Variants in RB1CC1 observed in about 807,000 individuals in gnomAD.
The protein encoded by RB1CC1 is RB1-inducible coiled-coil protein 1.
In RB1CC1, 46 loss-of-function variants were observed where a neutral mutation model predicts 177.5. The observed-to-expected ratio is 0.26, with a 90% confidence interval of 0.20 to 0.33. The LOEUF (loss-of-function observed/expected upper bound fraction) is 0.33, where lower values mean the gene tolerates loss of function less well. Ranked by LOEUF, RB1CC1 falls within the 10% of genes least tolerant of loss-of-function variation. The pLI, the probability that RB1CC1 is intolerant of heterozygous loss-of-function variation, is 1.00. For missense variants in RB1CC1, 1,703 were observed against 1,816.3 expected, an observed-to-expected ratio of 0.94 and a Z score of 1.13; for synonymous variants, 666 against 613.6, an observed-to-expected ratio of 1.09 and a Z score of -1.26.
At chr8:52,638,784 C>A (rs893498575) in intron 18 of RB1CC1, among the ~76,000 whole-genome samples, 1 of 152,000 alleles carries the variant, frequency 6.6e-6, no homozygotes, top group Non-Finnish European at 1.5e-5. Context: ...ATATGGCTCA[C>A]CTCTCACCAA....
Position 52,714,087 on chromosome 8 carries a change from C to T in RB1CC1, c.-179G>A, listed in dbSNP as rs973773256. On this transcript the variant is annotated 5_prime_UTR_variant, in exon 1 of 24. Coordinates refer to ENST00000025008, the MANE Select transcript of RB1CC1 (RefSeq NM_014781.5). ...CGGCGACACTTACCCGGCAACGCCT[C>T]CTCCTTCGCCGGCGGCAGCAGCAGA... 8 of 352,320 alleles carry T rather than the reference C, an allele frequency of 2.3e-5. No individual in the cohort carries two copies. The highest frequency in any genetic ancestry group is 1.8e-4 in the African/African-American group (8 of 44,666). 21.8% of individuals were successfully genotyped at this position (352,320 alleles called of 1,614,324 possible).
chr8:52,663,855 G>A (rs555066741), intron 8 of RB1CC1, among the ~76,000 whole-genome samples: 1 of 152,264 alleles, frequency 6.6e-6, no homozygotes, highest in African/African-American at 2.4e-5. Flanking sequence ...TATGTATCAG[G>A]AATGTGTGGT....
chr8:52,677,445 T>A (rs1853232882), intron 5 of RB1CC1, among the ~76,000 whole-genome samples: 1 of 152,016 alleles, frequency 6.6e-6, no homozygotes, highest in Non-Finnish European at 1.5e-5. Context: ...GGCCAGATGA[T>A]CAAAGACCCA....
chr8:52,712,064 T>C (rs1034464820), intron 1 of RB1CC1, among the ~76,000 whole-genome samples: 1 of 152,202 alleles, frequency 6.6e-6, no homozygotes, highest in African/African-American at 2.4e-5. Context: ...AACATTTTTA[T>C]GTTCCTCATG....
intron 18 of RB1CC1, among the ~76,000 whole-genome samples, chr8:52,639,124 T>C (rs1275138843): frequency 6.6e-6 from 1 of 152,130 alleles, no homozygotes; most frequent in African/African-American, 2.4e-5. Context: ...AGAATTTTAA[T>C]TGAGTAATAG....
intron 12 of RB1CC1, among the ~76,000 whole-genome samples, chr8:52,659,491 C>G (rs1467638896): frequency 1.3e-5 from 2 of 151,634 alleles, no homozygotes; most frequent in East Asian, 3.9e-4. Flanking sequence ...TAAATCCTAC[C>G]AATTCATTAT....
At chr8:52,691,856 C>T (rs561540689) in intron 1 of RB1CC1, among the ~76,000 whole-genome samples, 167 of 152,310 alleles carry the variant, frequency 1.1e-3, no homozygotes, top group African/African-American at 3.7e-3. Flanking sequence ...ATTGCTTTCA[C>T]GGCCACAAAT....
At chr8:52,701,549 T>C (rs527982652) in intron 1 of RB1CC1, among the ~76,000 whole-genome samples, 2 of 152,262 alleles carry the variant, frequency 1.3e-5, no homozygotes, top group East Asian at 3.9e-4. Context: ...GGATCATTAC[T>C]TCCTTTTCTT....
At chr8:52,653,431 T>G (rs1425427893) in intron 15 of RB1CC1, among the ~76,000 whole-genome samples, 1 of 152,156 alleles carries the variant, frequency 6.6e-6, no homozygotes, top group Non-Finnish European at 1.5e-5. Context: ...TGGTAGTGGT[T>G]GTCCGTAGGC....
At chr8:52,675,714 C>CAAAA (rs1306544323) in intron 6 of RB1CC1, among the ~76,000 whole-genome samples, 14 of 61,278 alleles carry the variant, frequency 2.3e-4, no homozygotes, top group South Asian at 7.1e-4. Flanking sequence ...ACTAAAAATC[C>CAAAA]AAAAAAAAAA....
Position 52,659,009 on chromosome 8 carries a change from T to TC in RB1CC1, c.1690-34_1690-33insG, listed in dbSNP as rs763602450. ...AAAAAAATTAATTACTTAAAAAATTTTTTTTCAACCAAAAACAGACAGCAA... is the reference window on the plus strand; with the variant it reads ...AAAAAAATTAATTACTTAAAAAATTTCTTTTTCAACCAAAAACAGACAGCAA... On this transcript the variant is annotated intron_variant, in intron 12 of 23. Coordinates refer to ENST00000025008, the MANE Select transcript of RB1CC1 (RefSeq NM_014781.5). The TC allele has an allele frequency of 3.1e-6, 4 of 1,310,006 alleles. No homozygotes were observed. The Admixed American group carries it at 1.1e-4, about 35-fold the overall frequency. 81.1% of individuals were successfully genotyped at this position (1,310,006 alleles called of 1,614,324 possible).
At chr8:52,635,067 T>C in intron 19 of RB1CC1, 99 bp from the exon 20 acceptor site, 2 of 1,112,594 alleles carry the variant, frequency 1.8e-6, no homozygotes, top group Non-Finnish European at 2.6e-6. Context: ...AAATGTTTGG[T>C]TCGGGTATGA....
chr8:52,681,757 C>G (rs1242328997), intron 5 of RB1CC1, among the ~76,000 whole-genome samples: 1 of 152,184 alleles, frequency 6.6e-6, no homozygotes, highest in Non-Finnish European at 1.5e-5. Context: ...GCAGTGAGAT[C>G]CTGTCTCTAT....
At chr8:52,714,022 C>A in intron 1 of RB1CC1, 53 bp downstream of exon 1, 1 of 330,308 alleles carries the variant, frequency 3.0e-6, no homozygotes, top group South Asian at 2.1e-5. Flanking sequence ...GGGCCCGCCG[C>A]GCGACCGCTG....
chr8:52,652,162 T>C (rs1850648297), intron 15 of RB1CC1, among the ~76,000 whole-genome samples: 1 of 152,106 alleles, frequency 6.6e-6, no homozygotes, highest in Admixed American at 6.5e-5. Flanking sequence ...TTTCAGAAAG[T>C]TTTTATTAAA....
intron 16 of RB1CC1, among the ~76,000 whole-genome samples, chr8:52,645,080 A>G (rs16918044): frequency 0.024 from 3,604 of 152,248 alleles, 163 homozygotes; most frequent in African/African-American, 0.082. Flanking sequence ...AAGCTCTCTA[A>G]CAAGGCATCT....
Position 52,622,922 on chromosome 8 carries a change from A to G in RB1CC1, c.*860T>C, listed in dbSNP as rs1158543901. ...CAAATCTTTATTGTTTTAAAATTGTACAGTTCTTTTACAATACAATATTTT... is the reference window on the plus strand; with the variant it reads ...CAAATCTTTATTGTTTTAAAATTGTGCAGTTCTTTTACAATACAATATTTT... On this transcript the variant is annotated 3_prime_UTR_variant, in exon 24 of 24. Transcript: ENST00000025008. The G allele has an allele frequency of 6.6e-5, 10 of 152,152 alleles. No individual in the cohort carries two copies. In the South Asian group the frequency reaches 1.9e-3, roughly 28 times the overall value. The allele number at this position is 152,152 out of a possible 1,614,324, so 9.4% of individuals were successfully genotyped here.
intron 20 of RB1CC1, among the ~76,000 whole-genome samples, chr8:52,634,392 G>A (rs749416368): frequency 4.6e-5 from 7 of 151,984 alleles, no homozygotes; most frequent in Admixed American, 6.6e-5. Context: ...GTGTGACGGC[G>A]CAGCACACTT....
intron 7 of RB1CC1, among the ~76,000 whole-genome samples, chr8:52,671,955 C>A (rs1383241332): frequency 1.3e-5 from 2 of 152,062 alleles, no homozygotes; most frequent in Non-Finnish European, 2.9e-5. Flanking sequence ...TAACAAACAA[C>A]AATAACCAAA....
Sources: allele counts gnomAD v4.1 joint callset (sites outside exome capture counted in the v4.1 genomes callset), GRCh38; gene constraint gnomAD v4.1.1; transcripts MANE v1.5; gene names NCBI Gene and HGNC (gene_info 2026-07-23, HGNC 2026-07-21).